LYZL2: variants seen among roughly 807,000 people sequenced by gnomAD.
LYZL2 encodes the protein lysozyme-like protein 2.
Under a neutral mutation model 17.1 loss-of-function variants are expected in LYZL2, and 13 were observed. The ratio of observed to expected loss-of-function variants is 0.76; its 90% CI spans 0.49 to 1.21. The LOEUF is 1.21. Among genes scored for constraint, LYZL2 ranks in the 50% most tolerant of loss-of-function variants. The pLI is 0.00. For missense variants in LYZL2, 166 were observed against 189.2 expected, an observed-to-expected ratio of 0.88 and a Z score of 0.72; for synonymous variants, 63 against 74.4, an observed-to-expected ratio of 0.85 and a Z score of 0.79.
In LYZL2 at chr10:30,626,234, A is replaced by G. The variant is rs755996050; in HGVS notation, c.169T>C (p.Tyr57His). Residue 57 changes from tyrosine to histidine, a missense_variant, in exon 3 of 5, where the codon TAC becomes CAC. Transcript: ENST00000647634. ...WICMAYYESG[Y>H]NTTAQTVLDD... ...AGGACCGTCTGGGCTGTGGTGTTGT[A>G]GCCGCTCTCATAATACGCCATGCAG... The G allele has an allele frequency of 1.2e-6, 2 of 1,614,234 alleles. No individual in the cohort carries two copies. The highest frequency in any genetic ancestry group is 3.3e-5 in the Admixed American group (2 of 60,034).
chr10:30,611,687 GGAAA>G (rs1564406011), downstream of LYZL2: 31 of 256,150 alleles, frequency 1.2e-4, no homozygotes, highest in Middle Eastern at 1.1e-3. Flanking sequence ...AAGGAAGGAA[GGAAA>G]GAAAGAAAGA....
chr10:30,627,022 G>A, intron 1 of LYZL2, 82 bp from the exon 2 acceptor site: 1 of 1,554,546 alleles, frequency 6.4e-7, no homozygotes, highest in Non-Finnish European at 8.7e-7. Flanking sequence ...GCACAGCCCT[G>A]CCTAGATGCT....
chr10:30,620,011 T>A (rs1838595225), intron 3 of LYZL2, among the ~76,000 whole-genome samples: 1 of 152,160 alleles, frequency 6.6e-6, no homozygotes, highest in African/African-American at 2.4e-5. Flanking sequence ...CATATTTTTG[T>A]GTTTGTATTT....
At chr10:30,612,699 G>T in intron 4 of LYZL2, 123 bp downstream of exon 4, 1 of 686,994 alleles carries the variant, frequency 1.5e-6, no homozygotes, top group Non-Finnish European at 2.6e-6. Context: ...TATAGACAAG[G>T]TCTCCTTCCA....
At chr10:30,611,605 AAG>A (rs1465425622), downstream of LYZL2, among the ~76,000 whole-genome samples, 475 of 140,894 alleles carry the variant, frequency 3.4e-3, 4 homozygotes, top group African/African-American at 0.012. Flanking sequence ...GAAAGAAAGA[AAG>A]AAAGAAAGAG....
At chr10:30,613,371 C>T (rs948090064) in intron 3 of LYZL2, among the ~76,000 whole-genome samples, 4 of 152,004 alleles carry the variant, frequency 2.6e-5, no homozygotes, top group African/African-American at 9.7e-5. Context: ...ATGGCACACA[C>T]CTGTGGTCTC....
intron 3 of LYZL2, among the ~76,000 whole-genome samples, chr10:30,614,292 T>C (rs1838494217): frequency 6.6e-6 from 1 of 152,230 alleles, no homozygotes; most frequent in South Asian, 2.1e-4. Flanking sequence ...CAGACGGAGA[T>C]GTCCATTTGT....
chr10:30,615,521 T>TTCTCTC (rs146438047), intron 3 of LYZL2, among the ~76,000 whole-genome samples: 9 of 149,224 alleles, frequency 6.0e-5, no homozygotes, highest in Non-Finnish European at 1.0e-4. Flanking sequence ...TTAAGTGTTC[T>TTCTCTC]TCTCTCTCTC....
chr10:30,611,245 G>T (rs1489493670), downstream of LYZL2, among the ~76,000 whole-genome samples: 1 of 151,766 alleles, frequency 6.6e-6, no homozygotes, highest in Non-Finnish European at 1.5e-5. Flanking sequence ...GTCAGGGTGG[G>T]GTGCGATGGC....
chr10:30,609,672 A>G (rs1414735459), downstream of LYZL2, among the ~76,000 whole-genome samples: 3 of 152,366 alleles, frequency 2.0e-5, no homozygotes, highest in East Asian at 3.9e-4. Flanking sequence ...TAACCAACAG[A>G]TAATGTGGCC....
At chr10:30,628,226 T>C (rs1002854718) in intron 1 of LYZL2, among the ~76,000 whole-genome samples, 1 of 152,226 alleles carries the variant, frequency 6.6e-6, no homozygotes, top group Non-Finnish European at 1.5e-5. Flanking sequence ...AATCTTTCCT[T>C]TTCTTTTCTT....
chr10:30,625,094 G>T (rs1838682243), intron 3 of LYZL2, among the ~76,000 whole-genome samples: 2 of 152,100 alleles, frequency 1.3e-5, no homozygotes, highest in Non-Finnish European at 2.9e-5. Context: ...CAAGGACATG[G>T]ATTTTCCTAC....
In LYZL2 at chr10:30,611,835, T is replaced by C; in HGVS notation, c.*120A>G. The C allele has an allele frequency of 6.5e-7, 1 of 1,547,832 alleles. No homozygotes were observed. Among genetic ancestry groups the C allele is most frequent in the South Asian group, 1.2e-5 (1 of 82,290 alleles). On this transcript the variant is annotated 3_prime_UTR_variant, in exon 5 of 5. Coordinates refer to ENST00000647634, the MANE Select transcript of LYZL2 (RefSeq NM_183058.3). ...ATTTTCTTAAAAGTATAGCTTAATT[T>C]TCCCTCTCCAAGTTTGAGAAGGAAT...
chr10:30,627,060 C>T, intron 1 of LYZL2, 120 bp from the exon 2 acceptor site: 1 of 1,431,090 alleles, frequency 7.0e-7, no homozygotes, highest in Non-Finnish European at 9.4e-7. Context: ...TTCAGTGCCA[C>T]CATCAGGGAA....
At chr10:30,619,114 A>G (rs941042399) in intron 3 of LYZL2, among the ~76,000 whole-genome samples, 2 of 152,272 alleles carry the variant, frequency 1.3e-5, no homozygotes, top group Non-Finnish European at 2.9e-5. Flanking sequence ...ATGCAAATCC[A>G]AACCACAATG....
chr10:30,611,572 A>AAGG (rs1209817900), downstream of LYZL2, among the ~76,000 whole-genome samples: 3 of 83,844 alleles, frequency 3.6e-5, no homozygotes, highest in African/African-American at 1.0e-4. Context: ...GGAAGGAAGG[A>AAGG]AAGAAAGAAA....
chr10:30,622,713 C>T (rs923804872), intron 3 of LYZL2, among the ~76,000 whole-genome samples: 3 of 152,184 alleles, frequency 2.0e-5, no homozygotes, highest in Non-Finnish European at 2.9e-5. Flanking sequence ...TATATACTTT[C>T]TATGGCTGCT....
chr10:30,610,858 C>T (rs1415574577), downstream of LYZL2, among the ~76,000 whole-genome samples: 1 of 152,178 alleles, frequency 6.6e-6, no homozygotes, highest in African/African-American at 2.4e-5. Flanking sequence ...TAAAAACCTT[C>T]ATGAGAATTT....
At chr10:30,616,195 G>A (rs1404690006) in intron 3 of LYZL2, among the ~76,000 whole-genome samples, 4 of 152,076 alleles carry the variant, frequency 2.6e-5, no homozygotes, top group African/African-American at 9.7e-5. Flanking sequence ...GAAGATAAAC[G>A]TAGTGATAGA....
Sources: gnomAD v4.1 joint callset for allele counts (sites outside exome capture counted in the v4.1 genomes callset) on GRCh38, gnomAD v4.1.1 for gene constraint, MANE v1.5 for transcripts, NCBI Gene and HGNC (gene_info 2026-07-23, HGNC 2026-07-21) for gene names.